Variants in KIF6 observed in about 807,000 individuals in gnomAD.
KIF6 encodes kinesin-like protein KIF6.
A neutral mutation model predicts 112.7 loss-of-function variants in KIF6; 106 were observed. The observed-to-expected ratio is 0.94, with a 90% CI of 0.80 to 1.11. The LOEUF is 1.11. KIF6 is among the 50% of genes least tolerant of loss of function. The probability of loss-of-function intolerance (pLI) is 0.00; values close to 1 mark genes in which losing one functional copy is unlikely to be tolerated. For synonymous variants in KIF6, 339 were observed against 339.9 expected (o/e 1.00, Z 0.03); for missense variants, 929 against 964.0 (o/e 0.96, Z 0.48).
intron 13 of KIF6, among the ~76,000 whole-genome samples, chr6:39,455,867 A>G (rs1313477390): frequency 3.0e-5 from 4 of 133,238 alleles, no homozygotes; most frequent in African/African-American, 8.5e-5. Context: ...ATATGGGACT[A>G]TGTGAAAAGA....
At chr6:39,703,930 C>G (rs557515026) in intron 3 of KIF6, among the ~76,000 whole-genome samples, 2 of 152,314 alleles carry the variant, frequency 1.3e-5, no homozygotes, top group Admixed American at 6.5e-5. Flanking sequence ...CTATATCTCT[C>G]TTTTGGAGGC....
chr6:39,563,065 A>C (rs1240991211), intron 10 of KIF6, among the ~76,000 whole-genome samples: 2 of 152,104 alleles, frequency 1.3e-5, no homozygotes. Flanking sequence ...ATATGGTGAA[A>C]CACCATCTCT....
At chr6:39,544,966 C>G (rs1778990136) in intron 11 of KIF6, among the ~76,000 whole-genome samples, 1 of 152,150 alleles carries the variant, frequency 6.6e-6, no homozygotes, top group Non-Finnish European at 1.5e-5. Context: ...ATTATCTCTT[C>G]TTGGACTCCT....
chr6:39,646,779 G>A (rs1785191763), intron 3 of KIF6, among the ~76,000 whole-genome samples: 2 of 152,026 alleles, frequency 1.3e-5, no homozygotes, highest in Non-Finnish European at 2.9e-5. Context: ...AACTAATTTG[G>A]AACAAATGAA....
intron 10 of KIF6, among the ~76,000 whole-genome samples, chr6:39,575,433 G>A (rs1780897856): frequency 6.6e-6 from 1 of 151,994 alleles, no homozygotes; most frequent in African/African-American, 2.4e-5. Flanking sequence ...ACCACACCCG[G>A]CTAATTTTTT....
chr6:39,377,153 A>G (rs1284632992), intron 16 of KIF6, among the ~76,000 whole-genome samples: 1 of 152,030 alleles, frequency 6.6e-6, no homozygotes, highest in African/African-American at 2.4e-5. Context: ...ACTTCAAGGA[A>G]TCTTCCCGCC....
intron 13 of KIF6, among the ~76,000 whole-genome samples, chr6:39,490,521 T>C (rs989280352): frequency 5.3e-5 from 8 of 152,132 alleles, no homozygotes; most frequent in Admixed American, 1.3e-4. Context: ...ACACTAACCG[T>C]TGGGTTTGTC....
At chr6:39,520,328 G>C (rs1777320527) in intron 13 of KIF6, among the ~76,000 whole-genome samples, 1 of 152,164 alleles carries the variant, frequency 6.6e-6, no homozygotes, top group Admixed American at 6.5e-5. Context: ...TTTTTTATCT[G>C]AAATTCAGAT....
intron 6 of KIF6, among the ~76,000 whole-genome samples, chr6:39,609,732 G>A (rs1235419779): frequency 6.6e-6 from 1 of 152,210 alleles, no homozygotes; most frequent in Non-Finnish European, 1.5e-5. Context: ...TGACAAGGGT[G>A]CAGAATATAG....
intron 12 of KIF6, among the ~76,000 whole-genome samples, chr6:39,541,339 C>T (rs535658919): frequency 3.3e-5 from 5 of 152,316 alleles, no homozygotes; most frequent in African/African-American, 1.2e-4. Flanking sequence ...CCCAAAACAA[C>T]ATGTACTTAC....
chr6:39,632,161 G>T (rs1332040723), intron 5 of KIF6, among the ~76,000 whole-genome samples: 2 of 144,480 alleles, frequency 1.4e-5, no homozygotes, highest in African/African-American at 2.7e-5. Context: ...GCAGGCAAGT[G>T]GTACATCTTA....
intron 3 of KIF6, among the ~76,000 whole-genome samples, chr6:39,641,733 T>G (rs1249279138): frequency 2.0e-5 from 3 of 152,036 alleles, no homozygotes; most frequent in African/African-American, 7.2e-5. Flanking sequence ...GATATAGATA[T>G]AGACTACGAA....
chr6:39,651,123 C>T (rs1785445378), intron 3 of KIF6, among the ~76,000 whole-genome samples: 1 of 151,968 alleles, frequency 6.6e-6, no homozygotes. Flanking sequence ...AGATAGAAAG[C>T]ATTTAAAGAA....
At chr6:39,429,631 C>T (rs754516912) in intron 14 of KIF6, among the ~76,000 whole-genome samples, 5 of 152,142 alleles carry the variant, frequency 3.3e-5, no homozygotes, top group African/African-American at 4.8e-5. Flanking sequence ...GTTTTTAGGC[C>T]AGGCGCAGTG....
At chr6:39,470,208 T>C (rs556852641) in intron 13 of KIF6, among the ~76,000 whole-genome samples, 1 of 152,022 alleles carries the variant, frequency 6.6e-6, no homozygotes, top group African/African-American at 2.4e-5. Flanking sequence ...CAGGAGCAGG[T>C]AAAGAGGTAG....
In KIF6 at chr6:39,333,026, C is replaced by G. The variant is rs183608189; in HGVS notation, c.*3506G>C. 16 of 152,342 alleles carry G rather than the reference C, an allele frequency of 1.1e-4. No individual in the cohort carries two copies. In the East Asian group the frequency reaches 2.9e-3, roughly 28 times the overall value. 9.4% of individuals were successfully genotyped at this position (152,342 alleles called of 1,614,324 possible). A position where few individuals can be genotyped will look rare whatever the true frequency, so the allele number is the denominator to read the frequency against. On this transcript the variant is annotated 3_prime_UTR_variant, in exon 23 of 23. Transcript: ENST00000287152. ...TCCCTTCTCTTGCGGATCAATCATA[C>G]CCTATATTGCTTGTTATCCAATGGC... is the stretch of plus-strand genomic sequence containing the variant.
At chr6:39,570,771 A>G (rs968419612) in intron 10 of KIF6, among the ~76,000 whole-genome samples, 1 of 152,138 alleles carries the variant, frequency 6.6e-6, no homozygotes, top group African/African-American at 2.4e-5. Flanking sequence ...CACCCCATGA[A>G]GAAGGTGCCT....
At chr6:39,549,795 C>A (rs928440210) in intron 10 of KIF6, among the ~76,000 whole-genome samples, 1 of 152,142 alleles carries the variant, frequency 6.6e-6, no homozygotes, top group Non-Finnish European at 1.5e-5. Context: ...TAGCTATGTA[C>A]ATAGTTAAGC....
chr6:39,387,925 T>A (rs1767560917), intron 15 of KIF6, among the ~76,000 whole-genome samples: 1 of 152,220 alleles, frequency 6.6e-6, no homozygotes, highest in Non-Finnish European at 1.5e-5. Context: ...TTTTTAATCC[T>A]GCAGTATGGA....
Sources: allele counts gnomAD v4.1 joint callset (sites outside exome capture counted in the v4.1 genomes callset), GRCh38; gene constraint gnomAD v4.1.1; transcripts MANE v1.5; gene names NCBI Gene and HGNC (gene_info 2026-07-23, HGNC 2026-07-21).